DPH6: variants seen among roughly 807,000 people sequenced by gnomAD.
DPH6 encodes diphthamine biosynthesis 6, also known as diphthine--ammonia ligase.
DPH6 carries 33 observed loss-of-function variants against 38.2 expected under a neutral mutation model. The observed-to-expected ratio is 0.86, with a 90% CI of 0.65 to 1.15. DPH6 has a LOEUF of 1.15. Ranked by LOEUF, DPH6 falls within the 50% of genes most tolerant of loss-of-function variation. The pLI, the probability that DPH6 is intolerant of heterozygous loss-of-function variation, is 0.00. For synonymous variants in DPH6, 108 were observed against 103.0 expected (o/e 1.05, Z -0.30); for missense variants, 325 against 320.0 (o/e 1.02, Z -0.12).
At chr15:35,461,526 T>A (rs866460929) in intron 3 of DPH6, among the ~76,000 whole-genome samples, 1 of 152,102 alleles carries the variant, frequency 6.6e-6, no homozygotes, top group Non-Finnish European at 1.5e-5. Flanking sequence ...TGTATATGTA[T>A]CAGTCAAGTG....
At chr15:35,175,525 G>A in the DPH6 span, among the ~76,000 whole-genome samples, 10 of 152,328 alleles carry the variant, frequency 6.6e-5, no homozygotes, top group East Asian at 1.9e-3. Context: ...GGGAACAAAA[G>A]TAGGGATAAT....
At chr15:35,399,381 C>T (rs1198504393) in intron 6 of DPH6, among the ~76,000 whole-genome samples, 1 of 151,686 alleles carries the variant, frequency 6.6e-6, no homozygotes, top group East Asian at 1.9e-4. Flanking sequence ...AATGAGGAGA[C>T]AAAAGTTAAA....
intron 5 of DPH6, among the ~76,000 whole-genome samples, chr15:35,421,377 C>G (rs1454491466): frequency 6.6e-6 from 1 of 152,104 alleles, no homozygotes; most frequent in East Asian, 1.9e-4. Context: ...TTTATAGATT[C>G]ACTTTTAAGA....
At chr15:35,323,053 A>T (rs1250119809) in intron 3 of DPH6, among the ~76,000 whole-genome samples, 1 of 152,198 alleles carries the variant, frequency 6.6e-6, no homozygotes, top group Middle Eastern at 3.2e-3. Flanking sequence ...TTAAACAACA[A>T]ATAAAAGAAT....
intron 3 of DPH6, among the ~76,000 whole-genome samples, chr15:35,533,806 G>A (rs920341087): frequency 1.3e-5 from 2 of 151,882 alleles, no homozygotes; most frequent in African/African-American, 4.8e-5. Context: ...AGCAGATAAA[G>A]AAGGAATCAT....
At chr15:35,357,482 G>A (rs927617182) in intron 3 of DPH6, among the ~76,000 whole-genome samples, 1 of 152,170 alleles carries the variant, frequency 6.6e-6, no homozygotes, top group African/African-American at 2.4e-5. Context: ...TATAGGTTCT[G>A]TGTGATTTAG....
At chr15:35,346,898 C>T (rs2052466142) in intron 3 of DPH6, among the ~76,000 whole-genome samples, 1 of 152,062 alleles carries the variant, frequency 6.6e-6, no homozygotes, top group Non-Finnish European at 1.5e-5. Context: ...TTAATTCTCA[C>T]ATATTTTAAG....
At chr15:35,208,238 C>G in the DPH6 span, among the ~76,000 whole-genome samples, 1 of 152,130 alleles carries the variant, frequency 6.6e-6, no homozygotes, top group Non-Finnish European at 1.5e-5. Context: ...TGAAATAACT[C>G]AATTTCAAAT....
chr15:35,491,825 CTA>C (rs922021940), intron 3 of DPH6, among the ~76,000 whole-genome samples: 3 of 149,904 alleles, frequency 2.0e-5, no homozygotes, highest in Non-Finnish European at 4.4e-5. Flanking sequence ...ATATATGTAT[CTA>C]TATATCTTAT....
At chr15:35,157,327 G>A in the DPH6 span, among the ~76,000 whole-genome samples, 1 of 152,038 alleles carries the variant, frequency 6.6e-6, no homozygotes, top group Admixed American at 6.6e-5. Flanking sequence ...TTACTGGTTT[G>A]CTTGCATTTT....
chr15:35,198,224 T>C, the DPH6 span, among the ~76,000 whole-genome samples: 1 of 151,844 alleles, frequency 6.6e-6, no homozygotes, highest in Non-Finnish European at 1.5e-5. Context: ...TAAAGAATAC[T>C]AGGCTTCTAA....
intron 5 of DPH6, among the ~76,000 whole-genome samples, chr15:35,426,209 T>C (rs2053569255): frequency 6.6e-6 from 1 of 151,732 alleles, no homozygotes. Flanking sequence ...ACTTCAGTTA[T>C]AAAATTCAAA....
At chr15:35,489,117 G>C (rs1278327616) in intron 3 of DPH6, among the ~76,000 whole-genome samples, 1 of 152,168 alleles carries the variant, frequency 6.6e-6, no homozygotes, top group Non-Finnish European at 1.5e-5. Context: ...CCCCAAGCTG[G>C]TTCAATAGTG....
chr15:35,237,417 AAGG>A, intron 3 of DPH6: 1 of 1,605,632 alleles, frequency 6.2e-7, no homozygotes, highest in Non-Finnish European at 8.5e-7. Flanking sequence ...CGGTCGAATG[AAGG>A]CAAACTCGAA....
At chr15:35,454,634 G>C (rs1301399339) in intron 4 of DPH6, 113 bp downstream of exon 4, 2 of 830,060 alleles carry the variant, frequency 2.4e-6, no homozygotes, top group African/African-American at 1.8e-5. Context: ...TAGTTCCATG[G>C]AGCACGTAGA....
At chr15:35,202,796 T>C in the DPH6 span, among the ~76,000 whole-genome samples, 1 of 151,784 alleles carries the variant, frequency 6.6e-6, no homozygotes, top group Non-Finnish European at 1.5e-5. Flanking sequence ...TCAGTTTTTG[T>C]ATGCAGGCTG....
intron 4 of DPH6, among the ~76,000 whole-genome samples, chr15:35,451,498 G>A (rs1463189617): frequency 1.3e-5 from 2 of 152,098 alleles, no homozygotes; most frequent in Non-Finnish European, 2.9e-5. Context: ...TTCTTAAGAG[G>A]ATTAAAAAAT....
chr15:35,269,410 G>A (rs2051806398), intron 3 of DPH6, among the ~76,000 whole-genome samples: 1 of 152,054 alleles, frequency 6.6e-6, no homozygotes, highest in African/African-American at 2.4e-5. Flanking sequence ...ACTTATTTAG[G>A]GCTTTTAGTC....
chr15:35,489,339 A>C, intron 3 of DPH6: 6 of 985,288 alleles, frequency 6.1e-6, no homozygotes, highest in Non-Finnish European at 7.2e-6. Flanking sequence ...GAATTTTTTG[A>C]AAGTGCTCCA....
Sources: allele counts gnomAD v4.1 joint callset (sites outside exome capture counted in the v4.1 genomes callset), GRCh38; gene constraint gnomAD v4.1.1; transcripts MANE v1.5; gene names NCBI Gene and HGNC (gene_info 2026-07-23, HGNC 2026-07-21).